The following CDH18 variants were observed in gnomAD, a reference collection of about 807,000 sequenced individuals.
CDH18 encodes cadherin-18.
Under a neutral mutation model 67.9 loss-of-function variants are expected in CDH18, and 31 were observed. The observed-to-expected ratio is 0.46, with a 90% CI of 0.34 to 0.62. The LOEUF (loss-of-function observed/expected upper bound fraction) is 0.62, where lower values mean the gene tolerates loss of function less well. Among genes scored for constraint, CDH18 ranks in the 20% least tolerant of loss-of-function variants. CDH18 has a pLI of 0.01. For synonymous variants in CDH18, 362 were observed against 347.2 expected (o/e 1.04, Z -0.48); for missense variants, 890 against 975.5 (o/e 0.91, Z 1.17).
chr5:19,609,504 A>G (rs1185871668), intron 6 of CDH18, among the ~76,000 whole-genome samples: 1 of 151,982 alleles, frequency 6.6e-6, no homozygotes, highest in African/African-American at 2.4e-5. Context: ...TCTCTAGAGT[A>G]GAGACATTGT....
At chr5:20,003,897 AAAAAACAAACAAACAAAC>A (rs1344715638) in intron 2 of CDH18, among the ~76,000 whole-genome samples, 1 of 152,252 alleles carries the variant, frequency 6.6e-6, no homozygotes, top group Non-Finnish European at 1.5e-5. Context: ...ACTCCGTCTC[AAAAAACAAACAAACAAAC>A]AAAAACAAAC....
At chr5:20,077,791 T>C (rs982599220) in intron 2 of CDH18, among the ~76,000 whole-genome samples, 16 of 152,242 alleles carry the variant, frequency 1.1e-4, no homozygotes, top group African/African-American at 3.9e-4. Flanking sequence ...ACCATGATTT[T>C]AGTTACTTGT....
intron 1 of CDH18, among the ~76,000 whole-genome samples, chr5:20,547,387 C>A (rs1383783183): frequency 6.6e-6 from 1 of 151,760 alleles, no homozygotes; most frequent in Non-Finnish European, 1.5e-5. Flanking sequence ...ATTGTGAAAC[C>A]CCGTCTCTAC....
At chr5:19,502,476 T>C (rs2126758365) in intron 11 of CDH18, among the ~76,000 whole-genome samples, 1 of 152,220 alleles carries the variant, frequency 6.6e-6, no homozygotes, top group African/African-American at 2.4e-5. Context: ...ATGAAAATGA[T>C]TCAAAAATTT....
At chr5:20,177,235 G>A (rs1207330711) in intron 2 of CDH18, among the ~76,000 whole-genome samples, 1 of 152,032 alleles carries the variant, frequency 6.6e-6, no homozygotes, top group African/African-American at 2.4e-5. Context: ...TGTTAATACT[G>A]ACGCAATTTT....
intron 11 of CDH18, among the ~76,000 whole-genome samples, chr5:19,501,092 C>A (rs1743155917): frequency 6.6e-6 from 1 of 151,178 alleles, no homozygotes; most frequent in South Asian, 2.1e-4. Context: ...GAGATCACGC[C>A]ATTACAATTC....
At chr5:20,430,150 T>C (rs751606269) in intron 1 of CDH18, among the ~76,000 whole-genome samples, 4 of 152,188 alleles carry the variant, frequency 2.6e-5, no homozygotes, top group Non-Finnish European at 5.9e-5. Flanking sequence ...TACATTGGTT[T>C]TGAAATAAGA....
chr5:20,004,827 G>A (rs762068530), intron 2 of CDH18, among the ~76,000 whole-genome samples: 8 of 152,110 alleles, frequency 5.3e-5, no homozygotes, highest in Non-Finnish European at 1.2e-4. Context: ...AATAGTGGGT[G>A]TGTCAAATTC....
At chr5:20,039,223 T>G (rs1008058750) in intron 2 of CDH18, among the ~76,000 whole-genome samples, 2 of 152,210 alleles carry the variant, frequency 1.3e-5, no homozygotes, top group Non-Finnish European at 2.9e-5. Context: ...AAACATTCCA[T>G]GTTCATGGAT....
Position 19,520,788 on chromosome 5 carries a change from A to G in CDH18, c.1391-10T>C. On this transcript the variant is annotated splice_polypyrimidine_tract_variant and intron_variant, in intron 9 of 12. Coordinates refer to ENST00000382275, the MANE Select transcript of CDH18 (RefSeq NM_004934.5). ...AGCAAATCAGGATTATCTGCAAAAT[A>G]CACAGGAATGTATTTAGTATTTCCA... 1 of 1,612,810 alleles carries G rather than the reference A, an allele frequency of 6.2e-7. No homozygotes were observed. The highest frequency in any genetic ancestry group is 8.5e-7 in the Non-Finnish European group (1 of 1,179,304).
intron 1 of CDH18, among the ~76,000 whole-genome samples, chr5:20,453,650 G>A (rs532662528): frequency 1.2e-3 from 177 of 151,478 alleles, no homozygotes; most frequent in African/African-American, 4.0e-3. Flanking sequence ...AATGTATTTG[G>A]CTGTGTTGTC....
intron 1 of CDH18, among the ~76,000 whole-genome samples, chr5:20,270,208 G>C (rs1385465314): frequency 6.6e-6 from 1 of 151,960 alleles, no homozygotes; most frequent in African/African-American, 2.4e-5. Context: ...TGTGAATCTT[G>C]ATAGGATATT....
At chr5:19,959,306 ATTAT>A (rs1796568908) in intron 2 of CDH18, among the ~76,000 whole-genome samples, 1 of 152,136 alleles carries the variant, frequency 6.6e-6, no homozygotes, top group African/African-American at 2.4e-5. Flanking sequence ...ATTTAAAAAT[ATTAT>A]TTAAGATGCC....
chr5:19,624,971 C>G (rs1751293565), intron 5 of CDH18, among the ~76,000 whole-genome samples: 2 of 151,776 alleles, frequency 1.3e-5, no homozygotes, highest in South Asian at 4.2e-4. Flanking sequence ...CCTCTTGAAT[C>G]CAGGCACTGT....
At chr5:20,532,068 T>C (rs1354609241) in intron 1 of CDH18, among the ~76,000 whole-genome samples, 1 of 152,206 alleles carries the variant, frequency 6.6e-6, no homozygotes, top group East Asian at 1.9e-4. Flanking sequence ...ATTTAATACA[T>C]AAACCTTAAA....
intron 5 of CDH18, among the ~76,000 whole-genome samples, chr5:19,678,071 G>A (rs1759747378): frequency 6.6e-6 from 1 of 151,766 alleles, no homozygotes; most frequent in Non-Finnish European, 1.5e-5. Flanking sequence ...GATCATCGAG[G>A]CAGAAAATTA....
At chr5:19,783,795 T>G (rs560928561) in intron 3 of CDH18, among the ~76,000 whole-genome samples, 1 of 152,296 alleles carries the variant, frequency 6.6e-6, no homozygotes, top group African/African-American at 2.4e-5. Flanking sequence ...CTCATTTATA[T>G]TCTATAAGAC....
intron 2 of CDH18, among the ~76,000 whole-genome samples, chr5:20,031,076 T>A (rs933486346): frequency 1.6e-4 from 25 of 152,248 alleles, no homozygotes; most frequent in African/African-American, 6.0e-4. Context: ...ATGAGGAATC[T>A]CAGCTATATC....
chr5:20,529,661 A>G (rs887610733), intron 1 of CDH18, among the ~76,000 whole-genome samples: 3 of 152,118 alleles, frequency 2.0e-5, no homozygotes, highest in Non-Finnish European at 4.4e-5. Flanking sequence ...CAATAGACAC[A>G]GAAAAGACCT....
Sources: allele counts gnomAD v4.1 joint callset (sites outside exome capture counted in the v4.1 genomes callset), GRCh38; gene constraint gnomAD v4.1.1; transcripts MANE v1.5; gene names NCBI Gene and HGNC (gene_info 2026-07-23, HGNC 2026-07-21).